HEATR3: variants seen among roughly 807,000 people sequenced by gnomAD.
HEATR3 encodes HEAT repeat containing 3, also known as HEAT repeat-containing protein 3.
Under a neutral mutation model 72.8 loss-of-function variants are expected in HEATR3, and 56 were observed. The observed-to-expected ratio is 0.77, with a 90% CI of 0.62 to 0.96. The LOEUF (loss-of-function observed/expected upper bound fraction) is 0.96. HEATR3 is among the 40% of genes least tolerant of loss of function. HEATR3 has a pLI of 0.00. For synonymous variants in HEATR3, 331 were observed against 318.1 expected (o/e 1.04, Z -0.43); for missense variants, 747 against 831.4 (o/e 0.90, Z 1.25).
intron 10 of HEATR3, 50 bp downstream of exon 10, chr16:50,084,701 A>G (rs749912370): frequency 7.3e-7 from 1 of 1,377,708 alleles, no homozygotes; most frequent in Non-Finnish European, 1.0e-6. Flanking sequence ...TTATTTTATG[A>G]AATGATGGGC....
intron 10 of HEATR3, 133 bp downstream of exon 10, chr16:50,084,784 T>G: frequency 4.8e-6 from 3 of 627,740 alleles, no homozygotes; most frequent in Non-Finnish European, 8.3e-6. Flanking sequence ...CAGAAAAATA[T>G]GTGCCCACAT....
In HEATR3 at chr16:50,078,770, C is replaced by A; in HGVS notation, c.793C>A (p.Pro265Thr). The A allele has an allele frequency of 6.2e-7, 1 of 1,613,628 alleles. No individual in the cohort carries two copies. The highest frequency in any genetic ancestry group is 8.5e-7 in the Non-Finnish European group (1 of 1,179,902). The stretch of plus-strand genomic sequence containing the variant: ...AATTTGGAATCTAAAGGACATTATT[C>A]CATGCAAGAGTCAAGCAGAAATCAT... ...GTIWNLKDII[P>T]CKSQAEIINA... The change falls in exon 7 of 15, where the codon CCA becomes ACA. Residue 265 changes from proline to threonine, a missense_variant. Physicochemically the swap from Pro to Thr is conservative, Grantham distance 38. Coordinates refer to ENST00000299192, the MANE Select transcript of HEATR3 (RefSeq NM_182922.4).
intron 12 of HEATR3, among the ~76,000 whole-genome samples, chr16:50,095,860 G>C (rs2037223161): frequency 1.3e-5 from 2 of 152,160 alleles, no homozygotes; most frequent in Admixed American, 6.5e-5. Context: ...TTATTATGTA[G>C]TTCAGTATGC....
chr16:50,094,922 A>AC (rs1358353978), intron 12 of HEATR3, 129 bp downstream of exon 12: 3 of 521,416 alleles, frequency 5.8e-6, no homozygotes, highest in Non-Finnish European at 1.0e-5. Flanking sequence ...TTTGTAAAAA[A>AC]TAAAACAAAA....
intron 9 of HEATR3, 65 bp from the exon 10 acceptor site, chr16:50,084,504 A>G (rs2036944634): frequency 2.4e-6 from 3 of 1,233,822 alleles, no homozygotes; most frequent in East Asian, 2.3e-5. Context: ...TGTTGGAATT[A>G]TGTAAGGGAA....
At chr16:50,090,461 G>C (rs761311394) in intron 11 of HEATR3, among the ~76,000 whole-genome samples, 11 of 152,108 alleles carry the variant, frequency 7.2e-5, no homozygotes, top group Non-Finnish European at 1.0e-4. Flanking sequence ...GCTCTAACTT[G>C]TTTTAATTTT....
intron 13 of HEATR3, among the ~76,000 whole-genome samples, chr16:50,101,407 C>T (rs2037363191): frequency 6.6e-6 from 1 of 151,708 alleles, no homozygotes. Context: ...TGAGCCACTG[C>T]ACCCGGCAAC....
intron 11 of HEATR3, among the ~76,000 whole-genome samples, chr16:50,091,421 C>G (rs932915435): frequency 8.7e-5 from 13 of 150,044 alleles, no homozygotes; most frequent in Admixed American, 4.0e-4. Context: ...GAGCCCAGAT[C>G]TTGCCACTGC....
At chr16:50,074,654 T>A (rs2036683133) in intron 5 of HEATR3, 1 of 151,774 alleles carries the variant, frequency 6.6e-6, no homozygotes. Flanking sequence ...GATAAACTTT[T>A]ATAAACATTT....
rs2036499467 is a variant in HEATR3, at chr16:50,066,486, G to A, written c.258G>A (p.Pro86=). 7.4e-7 allele frequency: 1 copy of A among 1,346,100 alleles called. No homozygotes were observed. The highest frequency in any genetic ancestry group is 3.1e-5 in the East Asian group (1 of 32,294). 83.4% of individuals were successfully genotyped at this position (1,346,100 alleles called of 1,614,324 possible). ...GAGACGCCGTGCGCCGCCTCGGGCCGCTGCTGCTAGACCCCAGCCTGGCCG... is the reference window on the plus strand; with the variant it reads ...GAGACGCCGTGCGCCGCCTCGGGCCACTGCTGCTAGACCCCAGCCTGGCCG... ...ARRDAVRRLG[P]LLLDPSLAVR... The change falls in exon 2 of 15, where the codon CCG becomes CCA. Residue 86 remains proline (P), a synonymous_variant. Coordinates refer to ENST00000299192, the MANE Select transcript of HEATR3 (RefSeq NM_182922.4).
chr16:50,094,131 A>G (rs1368183025), intron 11 of HEATR3, among the ~76,000 whole-genome samples: 1 of 152,164 alleles, frequency 6.6e-6, no homozygotes, highest in South Asian at 2.1e-4. Context: ...GTGCCAGCAT[A>G]ATGGCTTACT....
intron 13 of HEATR3, chr16:50,100,837 A>C (rs927116297): frequency 1.0e-5 from 2 of 198,798 alleles, no homozygotes; most frequent in African/African-American, 4.8e-5. Flanking sequence ...CAACCCTGGT[A>C]GTGCCAATAT....
At chr16:50,086,500 G>A in intron 11 of HEATR3, 149 bp downstream of exon 11, 1 of 876,680 alleles carries the variant, frequency 1.1e-6, no homozygotes, top group East Asian at 2.7e-5. Context: ...GTTGCCATGG[G>A]GTACAGAGTC....
At position 50,083,239 on chromosome 16, in the gene HEATR3, T is replaced by C. The variant is rs756205811; in HGVS notation, c.1042-698T>C. Among the ~76,000 whole-genome samples, 46 of 152,242 alleles carry C rather than the reference T, an allele frequency of 3.0e-4. 1 individual carries two copies. The highest frequency in any genetic ancestry group is 8.8e-5 in the Non-Finnish European group (6 of 68,042). ...GTACTGTTTTGGAATATCAGTATGG[T>C]TATTTCACTTTCCATAGACAATTTG... On this transcript the variant is annotated intron_variant, in intron 7 of 14. Coordinates refer to ENST00000299192, the MANE Select transcript of HEATR3 (RefSeq NM_182922.4).
intron 11 of HEATR3, among the ~76,000 whole-genome samples, chr16:50,089,357 A>G (rs907380149): frequency 6.6e-5 from 10 of 150,780 alleles, no homozygotes; most frequent in African/African-American, 2.4e-4. Flanking sequence ...AAATGTATTC[A>G]CCTAATGACA....
At chr16:50,091,096 AT>A (rs2037099002) in intron 11 of HEATR3, among the ~76,000 whole-genome samples, 1 of 151,926 alleles carries the variant, frequency 6.6e-6, no homozygotes, top group Non-Finnish European at 1.5e-5. Flanking sequence ...GTGAGCCAAG[AT>A]TGCACCACTG....
intron 1 of HEATR3, 39 bp downstream of exon 1, chr16:50,066,308 G>A: frequency 6.4e-7 from 1 of 1,571,164 alleles, no homozygotes; most frequent in Non-Finnish European, 8.6e-7. Flanking sequence ...GGCGAGACGA[G>A]GTTGCCCCGC....
At chr16:50,077,123 C>T (rs557149201) in intron 6 of HEATR3, among the ~76,000 whole-genome samples, 2 of 152,244 alleles carry the variant, frequency 1.3e-5, no homozygotes, top group East Asian at 1.9e-4. Flanking sequence ...ATCCGCCCGC[C>T]TTGGCCTCCC....
chr16:50,076,138 G>T (rs2036722473), intron 6 of HEATR3, among the ~76,000 whole-genome samples: 1 of 151,242 alleles, frequency 6.6e-6, no homozygotes, highest in Non-Finnish European at 1.5e-5. Flanking sequence ...TTTTCTTCTT[G>T]CCCTTTGTCT....
Sources: allele counts gnomAD v4.1 joint callset (sites outside exome capture counted in the v4.1 genomes callset), GRCh38; gene constraint gnomAD v4.1.1; transcripts MANE v1.5; gene names NCBI Gene and HGNC (gene_info 2026-07-23, HGNC 2026-07-21).